ARHGEF1: variants seen among roughly 807,000 people sequenced by gnomAD.
ARHGEF1 encodes Rho guanine nucleotide exchange factor 1, also known as 115 kDa guanine nucleotide exchange factor.
ARHGEF1 carries 40 observed loss-of-function variants against 119.7 expected under a neutral mutation model. That is an observed-to-expected ratio of 0.33 (90% CI 0.26 to 0.44). The LOEUF is 0.44. Among genes scored for constraint, ARHGEF1 ranks in the 20% least tolerant of loss-of-function variants. The pLI, the probability that ARHGEF1 is intolerant of heterozygous loss-of-function variation, is 1.00. For missense variants in ARHGEF1, 976 were observed against 1,268.3 expected, an observed-to-expected ratio of 0.77 and a Z score of 3.50; for synonymous variants, 494 against 521.0, an observed-to-expected ratio of 0.95 and a Z score of 0.71.
intron 14 of ARHGEF1, 80 bp downstream of exon 14, chr19:41,898,667 T>A (rs2074552164): frequency 6.8e-7 from 1 of 1,460,802 alleles, no homozygotes; most frequent in South Asian, 1.4e-5. Flanking sequence ...CGCAGAGAGA[T>A]GTTCATCTTG....
chr19:41,922,641 G>A (rs1210418984), upstream of ARHGEF1, among the ~76,000 whole-genome samples: 1 of 152,098 alleles, frequency 6.6e-6, no homozygotes, highest in Non-Finnish European at 1.5e-5. Context: ...GCAGGCCTGA[G>A]GGCTAGGGCA....
Position 41,906,523 on chromosome 19 carries a change from G to A in ARHGEF1, c.2558G>A (p.Gly853Glu), listed in dbSNP as rs1555850228. ...EDNGAGPPRD[G>E]DGVPGGGPLS... ...AATGGGGCGGGGCCTCCTCGAGATG[G>A]GGATGGGGTCCCAGGGGGCGGCCCC... Residue 853 changes from glycine to glutamate, a missense_variant, in exon 27 of 29, where the codon GGG becomes GAG. This residue lies in a region of ARHGEF1 where 171 missense variants were observed against 180.6 expected (regional missense o/e 0.95). Coordinates refer to ENST00000354532, the MANE Select transcript of ARHGEF1 (RefSeq NM_004706.4). The surrounding 1 kb of genome is among the most constrained non-coding windows in gnomAD (Gnocchi z 4.5). The A allele has an allele frequency of 8.2e-6, 13 of 1,580,848 alleles. No homozygotes were observed. Among genetic ancestry groups the A allele is most frequent in the Non-Finnish European group, 1.1e-5 (13 of 1,171,664 alleles).
chr19:41,887,233 A>G (rs2074307263), intron 1 of ARHGEF1, among the ~76,000 whole-genome samples: 1 of 152,048 alleles, frequency 6.6e-6, no homozygotes, highest in South Asian at 2.1e-4. Flanking sequence ...GGAAAATGAG[A>G]CAGTTCTGGA....
At chr19:41,890,505 G>T (rs1312508047) in intron 4 of ARHGEF1, 1 of 152,036 alleles carries the variant, frequency 6.6e-6, no homozygotes, top group Non-Finnish European at 1.5e-5. Flanking sequence ...AATTGGCCAG[G>T]CGCAGTGACT....
chr19:41,899,998 C>T (rs1019202020), intron 14 of ARHGEF1, among the ~76,000 whole-genome samples: 91 of 151,956 alleles, frequency 6.0e-4, no homozygotes, highest in African/African-American at 2.1e-3. Context: ...ATTTGTACTG[C>T]TCACCATGGG....
chr19:41,894,768 TTCTGAGGGAGGA>T, intron 11 of ARHGEF1, 107 bp downstream of exon 11: 1 of 1,260,018 alleles, frequency 7.9e-7, no homozygotes, highest in African/African-American at 7.5e-5. Context: ...GGACGCCTGG[TTCTGAGGGAGGA>T]GGGGATGGGG....
In ARHGEF1 at chr19:41,904,203, G is replaced by T. The variant is rs782339306; in HGVS notation, c.1994-13G>T. 47 of 1,613,262 alleles carry T rather than the reference G, an allele frequency of 2.9e-5. 1 individual carries two copies. Among genetic ancestry groups the T allele is most frequent in the Non-Finnish European group, 3.4e-6 (4 of 1,179,620 alleles). ...CGCGGGGGCACGCCGTGTGAGCACTGCTCGCCCCGTAGAGGTGCATGTGCT... is the reference window on the plus strand; with the variant it reads ...CGCGGGGGCACGCCGTGTGAGCACTTCTCGCCCCGTAGAGGTGCATGTGCT... On this transcript the variant is annotated splice_polypyrimidine_tract_variant and intron_variant, in intron 21 of 28. Coordinates refer to ENST00000354532, the MANE Select transcript of ARHGEF1 (RefSeq NM_004706.4). This position sits in a 1 kb window ranked among gnomAD's most constrained non-coding sequence, Gnocchi z 8.4.
rs202019305 is a variant in ARHGEF1 at position 41,903,299 on chromosome 19, G to T, written c.1739-8G>T. The T allele has an allele frequency of 1.2e-6, 2 of 1,613,606 alleles. No homozygotes were observed. Among genetic ancestry groups the T allele is most frequent in the Non-Finnish European group, 1.7e-6 (2 of 1,179,792 alleles). ...GTTCACCAGAGCTGCTCTCTCCCTT[G>T]CCTGCAGAAGAGCCCACAGAACGGG... On this transcript the variant is annotated splice_region_variant and splice_polypyrimidine_tract_variant and intron_variant, in intron 18 of 28. Coordinates refer to ENST00000354532, the MANE Select transcript of ARHGEF1 (RefSeq NM_004706.4). This position sits in a 1 kb window ranked among gnomAD's most constrained non-coding sequence, Gnocchi z 4.2.
intron 1 of ARHGEF1, chr19:41,884,636 G>C: frequency 8.7e-7 from 1 of 1,143,700 alleles, no homozygotes; most frequent in Non-Finnish European, 1.2e-6. Context: ...TTTGGGTCTC[G>C]TGTAGACCCG....
At chr19:41,923,226 G>C in exon 1 of ARHGEF1, 2 of 455,858 alleles carry the variant, frequency 4.4e-6, no homozygotes, top group South Asian at 1.6e-5. Flanking sequence ...GCCTGGACTT[G>C]AATGCAGGTC....
At chr19:41,901,475 T>A (rs1444581611) in intron 14 of ARHGEF1, among the ~76,000 whole-genome samples, 2 of 152,212 alleles carry the variant, frequency 1.3e-5, no homozygotes, top group Non-Finnish European at 2.9e-5. Context: ...AAGGTCTCGC[T>A]CTGTTGCTTG....
Position 41,917,648 on chromosome 19 carries a change from G to A in ARHGEF1, c.1866-5444G>A, listed in dbSNP as rs1048789277. ...GCACACACCATGCCCCAAAGCACAC[G>A]CACGCACGCACACACACACCCTGAC... is the stretch of plus-strand genomic sequence containing the variant. On this transcript the variant is annotated intron_variant, in intron 18 of 20. Coordinates refer to the ARHGEF1 transcript ENST00000599589. This position sits in a 1 kb window ranked among gnomAD's most constrained non-coding sequence, Gnocchi z 4.8. 5.3e-5 allele frequency among the ~76,000 whole-genome samples: 8 copies of A among 151,338 alleles called. No individual in the cohort carries two copies. Among genetic ancestry groups the A allele is most frequent in the Non-Finnish European group, 7.4e-5 (5 of 67,828 alleles).
Position 41,915,048 on chromosome 19 carries a change from C to T in ARHGEF1, c.1866-8044C>T, listed in dbSNP as rs550366199. 8.4e-5 allele frequency among the ~76,000 whole-genome samples: 9 copies of T among 107,594 alleles called. No individual in the cohort carries two copies. The South Asian group carries it at 1.2e-3, about 14-fold the overall frequency. The allele number at this position is 107,594 out of a possible 152,430, so 70.6% of individuals were successfully genotyped here. A position where few individuals can be genotyped will look rare whatever the true frequency, so the allele number is the denominator to read the frequency against. On this transcript the variant is annotated intron_variant, in intron 18 of 20. Transcript: ENST00000599589. ...CTGTCCCGCGTCTCTCCAGCAGCCCCGCTCCCCCACACCTCTCCCCCACCC... is the reference window on the plus strand; with the variant it reads ...CTGTCCCGCGTCTCTCCAGCAGCCCTGCTCCCCCACACCTCTCCCCCACCC...
In ARHGEF1 at chr19:41,883,285, AC is replaced by A; in HGVS notation, c.-22del. The A allele has an allele frequency of 5.4e-6, 1 of 186,866 alleles. No homozygotes were observed. Among genetic ancestry groups the A allele is most frequent in the South Asian group, 5.7e-5 (1 of 17,568 alleles). The allele number at this position is 186,866 out of a possible 1,614,324, so 11.6% of individuals were successfully genotyped here. On this transcript the variant is annotated 5_prime_UTR_variant, in exon 1 of 29. Transcript: ENST00000354532. The surrounding 1 kb of genome is among the most constrained non-coding windows in gnomAD (Gnocchi z 7.6). ...CCCCGCCGGTCACCTCCGCGCGGACACCAGGTACTCGGTCCCCGGCCCCGCC... is the reference window on the plus strand; with the variant it reads ...CCCCGCCGGTCACCTCCGCGCGGACACAGGTACTCGGTCCCCGGCCCCGCC...
intron 18 of ARHGEF1, among the ~76,000 whole-genome samples, chr19:41,914,070 G>A (rs2074771191): frequency 4.7e-3 from 1 of 212 alleles, no homozygotes; most frequent in Admixed American, 0.05. Context: ...TCCCCCGTGA[G>A]CCCCGCCTAC....
rs1332525849 is a variant in ARHGEF1, at chr19:41,902,316, G to A, written c.1457G>A (p.Gly486Asp). 5.0e-6 allele frequency: 8 copies of A among 1,614,032 alleles called. No homozygotes were observed. Among genetic ancestry groups the A allele is most frequent in the Non-Finnish European group, 6.8e-6 (8 of 1,180,052 alleles). Residue 486 changes from glycine (G) to aspartate (D), a missense_variant, in exon 16 of 29, where the codon GGC becomes GAC. This residue lies in a region of ARHGEF1 where 286 missense variants were observed against 506.8 expected (regional missense o/e 0.56). Coordinates refer to ENST00000354532, the MANE Select transcript of ARHGEF1 (RefSeq NM_004706.4). This position sits in a 1 kb window ranked among gnomAD's most constrained non-coding sequence, Gnocchi z 6.5. ...CTGATGAAGCGGAGGCAGGAGAGTG[G>A]CTACCTCATCGAGGAGATCGGAGAC... is the stretch of plus-strand genomic sequence containing the variant. ...DRLMKRRQES[G>D]YLIEEIGDVL... is the part of the protein sequence containing the mutation.
intron 8 of ARHGEF1, 60 bp from the exon 9 acceptor site, chr19:41,894,147 T>TGTGTGA: frequency 1.1e-6 from 1 of 945,790 alleles, no homozygotes; most frequent in Non-Finnish European, 1.6e-6. Context: ...TGTGTGTGTG[T>TGTGTGA]GTGTGTGTGT....
At chr19:41,895,612 C>T in intron 12 of ARHGEF1, 126 bp downstream of exon 12, 1 of 1,035,258 alleles carries the variant, frequency 9.7e-7, no homozygotes, top group African/African-American at 1.6e-5. Flanking sequence ...TCTCAGCATC[C>T]ACTTCTCCCT....
rs781974330 is a variant in ARHGEF1, at chr19:41,897,184, T to TA, written c.1121+703dup. On this transcript the variant is annotated intron_variant, in intron 13 of 28. Coordinates refer to ENST00000354532, the MANE Select transcript of ARHGEF1 (RefSeq NM_004706.4). ...TGTGCCCTGGGGGCCCTGTCCCCCT[T>TA]ACAGCTGGGGGGCAGGCTCTGCCTC... 22 of 930,246 alleles carry TA rather than the reference T, an allele frequency of 2.4e-5. No individual in the cohort carries two copies. In the South Asian group the frequency reaches 3.1e-4, roughly 13 times the overall value. 57.6% of individuals were successfully genotyped at this position (930,246 alleles called of 1,614,324 possible). A position where few individuals can be genotyped will look rare whatever the true frequency, so the allele number is the denominator to read the frequency against.
Sources: gnomAD v4.1 joint callset for allele counts (sites outside exome capture counted in the v4.1 genomes callset) on GRCh38, gnomAD v4.1.1 for gene constraint, gnomAD v4.1.1 regional missense constraint, Gnocchi (gnomAD v3.1) non-coding constraint, MANE v1.5 for transcripts, NCBI Gene and HGNC (gene_info 2026-07-23, HGNC 2026-07-21) for gene names.